STAT1: variants seen among roughly 807,000 people sequenced by gnomAD.
The protein encoded by STAT1 is signal transducer and activator of transcription 1-alpha/beta.
In STAT1, 24 loss-of-function variants were observed where a neutral mutation model predicts 111.7. The observed-to-expected ratio is 0.21, with a 90% CI of 0.16 to 0.30. The LOEUF (loss-of-function observed/expected upper bound fraction) is 0.30. STAT1 is among the 10% of genes least tolerant of loss of function. STAT1 has a pLI of 1.00. For synonymous variants in STAT1, 332 were observed against 326.5 expected, an observed-to-expected ratio of 1.02 and a Z score of -0.18; for missense variants, 351 against 911.9, an observed-to-expected ratio of 0.38 and a Z score of 7.92.
chr2:190,998,667 A>C lies in STAT1; in HGVS notation c.542-359T>G, dbSNP rs539912924. Among the ~76,000 whole-genome samples the C allele has an allele frequency of 6.6e-5, 10 of 151,024 alleles. No individual in the cohort carries two copies. Among genetic ancestry groups the C allele is most frequent in the Non-Finnish European group, 1.5e-4 (10 of 67,734 alleles). On this transcript the variant is annotated intron_variant, in intron 7 of 24. Coordinates refer to ENST00000361099, the MANE Select transcript of STAT1 (RefSeq NM_007315.4). The surrounding 1 kb of genome is among the most constrained non-coding windows in gnomAD (Gnocchi z 4.1). The stretch of plus-strand genomic sequence containing the variant: ...ACAGAGCGAGACTCCGTCTCCAAAA[A>C]AAAACAAAAAAAACAAAAAAAAAAC...
In STAT1 at chr2:190,989,847, G is replaced by T. The variant is rs765499294; in HGVS notation, c.1038-173C>A. Among the ~76,000 whole-genome samples, 5 of 152,148 alleles carry T rather than the reference G, an allele frequency of 3.3e-5. No individual in the cohort carries two copies. The highest frequency in any genetic ancestry group is 7.4e-5 in the Non-Finnish European group (5 of 68,020). On this transcript the variant is annotated intron_variant, in intron 11 of 24. Transcript: ENST00000361099. The surrounding 1 kb of genome is among the most constrained non-coding windows in gnomAD (Gnocchi z 5.0). ...TACTTAAATTTTTGTAAGTGTATTTGTAAGAATAAATTCCTAGCTGTGGAA... is the reference window on the plus strand; with the variant it reads ...TACTTAAATTTTTGTAAGTGTATTTTTAAGAATAAATTCCTAGCTGTGGAA...
intron 2 of STAT1, among the ~76,000 whole-genome samples, 151 bp downstream of exon 2, chr2:191,013,374 T>C (rs999379062): frequency 7.8e-6 from 1 of 127,958 alleles, no homozygotes; most frequent in Non-Finnish European, 1.9e-5. Flanking sequence ...TTTTTAAGAC[T>C]ATATTATTTT....
chr2:190,978,649 C>T lies in STAT1; in HGVS notation c.1873+207G>A. The T allele has an allele frequency of 1.5e-6, 1 of 668,634 alleles. No individual in the cohort carries two copies. Among genetic ancestry groups the T allele is most frequent in the South Asian group, 1.8e-5 (1 of 55,740 alleles). 41.4% of individuals were successfully genotyped at this position (668,634 alleles called of 1,614,324 possible). A position where few individuals can be genotyped will look rare whatever the true frequency, so the allele number is the denominator to read the frequency against. On this transcript the variant is annotated intron_variant, in intron 21 of 24. Coordinates refer to ENST00000361099, the MANE Select transcript of STAT1 (RefSeq NM_007315.4). The surrounding 1 kb of genome is among the most constrained non-coding windows in gnomAD (Gnocchi z 6.1). Reference sequence around the variant, plus strand: ...ATTGGCATTGTCTTTTCAAAACCATCATTTCCACAATATGTTCCAGAGAGT... The same window carrying T: ...ATTGGCATTGTCTTTTCAAAACCATTATTTCCACAATATGTTCCAGAGAGT...
At chr2:190,972,269 A>C (rs1213003451) in intron 24 of STAT1, among the ~76,000 whole-genome samples, 1 of 152,276 alleles carries the variant, frequency 6.6e-6, no homozygotes, top group East Asian at 1.9e-4. Flanking sequence ...AGAAAGTAGT[A>C]GACAATTAAT....
chr2:191,002,070 A>C (rs948098160), intron 5 of STAT1, among the ~76,000 whole-genome samples: 3 of 152,148 alleles, frequency 2.0e-5, no homozygotes, highest in African/African-American at 7.2e-5. Context: ...AATTTTCCTT[A>C]TATTAGAAAG....
chr2:190,985,326 G>GA (rs1692719257), intron 15 of STAT1, among the ~76,000 whole-genome samples: 3 of 152,198 alleles, frequency 2.0e-5, no homozygotes, highest in African/African-American at 7.2e-5. Context: ...AAACTTCTGT[G>GA]AGTCAATTTC....
chr2:190,972,577 A>G (rs1353387608), intron 24 of STAT1, among the ~76,000 whole-genome samples: 4 of 152,188 alleles, frequency 2.6e-5, no homozygotes, highest in African/African-American at 9.7e-5. Context: ...TCTGTTTCAG[A>G]GTATACACTC....
At position 190,983,606 on chromosome 2, in the gene STAT1, T is replaced by C; in HGVS notation, c.1446+36A>G. The C allele has an allele frequency of 3.8e-6, 6 of 1,591,014 alleles. No homozygotes were observed. Among genetic ancestry groups the C allele is most frequent in the Non-Finnish European group, 5.2e-6 (6 of 1,158,926 alleles). On this transcript the variant is annotated intron_variant, in intron 17 of 24. Coordinates refer to ENST00000361099, the MANE Select transcript of STAT1 (RefSeq NM_007315.4). This position sits in a 1 kb window ranked among gnomAD's most constrained non-coding sequence, Gnocchi z 5.7. ...AGCAGTGAGAGCGTGGGGTCTCTGC[T>C]TAACCCTGGGACCAAAGCAAATGTG... is the stretch of plus-strand genomic sequence containing the variant.
In STAT1 at chr2:190,978,241, T is replaced by A. The variant is rs1692064723; in HGVS notation, c.1873+615A>T. 6.6e-6 allele frequency among the ~76,000 whole-genome samples: 1 copy of A among 152,242 alleles called. No individual in the cohort carries two copies. Among genetic ancestry groups the A allele is most frequent in the Non-Finnish European group, 1.5e-5 (1 of 68,042 alleles). On this transcript the variant is annotated intron_variant, in intron 21 of 24. Transcript: ENST00000361099. This position sits in a 1 kb window ranked among gnomAD's most constrained non-coding sequence, Gnocchi z 6.1. ...GTGAAAAGTAATCAGTTGGTCTTTA[T>A]GATTTTTTCATTTACGCTGTTGAGC...
At chr2:191,011,368 T>A (rs943633825) in intron 2 of STAT1, among the ~76,000 whole-genome samples, 4 of 152,138 alleles carry the variant, frequency 2.6e-5, no homozygotes, top group Non-Finnish European at 4.4e-5. Flanking sequence ...CTGCAACGCC[T>A]CTTATTAGCC....
chr2:190,986,043 G>A lies in STAT1; in HGVS notation c.1222-383C>T, dbSNP rs185464074. Among the ~76,000 whole-genome samples the A allele has an allele frequency of 2.0e-5, 3 of 152,292 alleles. No individual in the cohort carries two copies. The East Asian group carries it at 5.8e-4, about 29-fold the overall frequency. ...GGGCCCAGTGACTCCAGGTCCACCT[G>A]CCCTCAAGTGGACGTCAATCTCTGA... On this transcript the variant is annotated intron_variant, in intron 14 of 24. Transcript: ENST00000361099. The surrounding 1 kb of genome is among the most constrained non-coding windows in gnomAD (Gnocchi z 5.0).
At position 190,998,079 on chromosome 2, in the gene STAT1, AG is replaced by A; in HGVS notation, c.634-73del. The A allele has an allele frequency of 6.3e-7, 1 of 1,583,334 alleles. No individual in the cohort carries two copies. Among genetic ancestry groups the A allele is most frequent in the Non-Finnish European group, 8.6e-7 (1 of 1,160,152 alleles). On this transcript the variant is annotated intron_variant, in intron 8 of 24. Transcript: ENST00000361099. The surrounding 1 kb of genome is among the most constrained non-coding windows in gnomAD (Gnocchi z 4.1). ...ACTGAATTTTAAAATATTTTTTAAA[AG>A]AAAAGCAAATATCATTTCATTCTCA...
chr2:190,972,918 A>G (rs1039687770), intron 24 of STAT1, among the ~76,000 whole-genome samples: 14 of 151,896 alleles, frequency 9.2e-5, no homozygotes, highest in African/African-American at 3.4e-4. Context: ...CGGAATGGCT[A>G]CAGCGAGTGT....
At position 191,012,427 on chromosome 2, in the gene STAT1, A is replaced by AC. The variant is rs1054582650; in HGVS notation, c.-2+1097_-2+1098insG. 1.3e-4 allele frequency among the ~76,000 whole-genome samples: 19 copies of AC among 151,716 alleles called. No individual in the cohort carries two copies. Among genetic ancestry groups the AC allele is most frequent in the African/African-American group, 4.4e-4 (18 of 41,248 alleles). ...AGAGACTCTGTCTCTAAAAAAAAAA[A>AC]ACAATGAATAAATAAGCTCATGTTC... is the stretch of plus-strand genomic sequence containing the variant. On this transcript the variant is annotated intron_variant, in intron 2 of 24. Transcript: ENST00000361099. The surrounding 1 kb of genome is among the most constrained non-coding windows in gnomAD (Gnocchi z 4.0).
In STAT1 at chr2:190,975,099, G is replaced by C. The variant is rs1691804545; in HGVS notation, c.2136-167C>G. On this transcript the variant is annotated intron_variant, in intron 23 of 24. Transcript: ENST00000361099. The surrounding 1 kb of genome is among the most constrained non-coding windows in gnomAD (Gnocchi z 5.9). ...TACATTTGCAAAAGTACAGCTCATG[G>C]GAGGCTCATGTCCCCAGCCCAGCCC... Among the ~76,000 whole-genome samples, 1 of 152,152 alleles carries C rather than the reference G, an allele frequency of 6.6e-6. No individual in the cohort carries two copies. Among genetic ancestry groups the C allele is most frequent in the African/African-American group, 2.4e-5 (1 of 41,428 alleles).
rs187964406 is a variant in STAT1 at position 190,993,240 on chromosome 2, C to G, written c.944+1821G>C. 4.0e-4 allele frequency: 236 copies of G among 588,460 alleles called. 1 individual carries two copies. In the East Asian group the frequency reaches 7.4e-3, roughly 18 times the overall value. 36.5% of individuals were successfully genotyped at this position (588,460 alleles called of 1,614,324 possible). ...TTGACGTTTTCACTGGGATAATGAT[C>G]TATTTTCTGCAGTCACTGTTTAATA... On this transcript the variant is annotated intron_variant, in intron 10 of 24. Transcript: ENST00000361099. The surrounding 1 kb of genome is among the most constrained non-coding windows in gnomAD (Gnocchi z 4.1).
At position 190,977,475 on chromosome 2, in the gene STAT1, A is replaced by T. The variant is rs1574639035; in HGVS notation, c.1874-450T>A. ...TATTAAAATAAATTATGATATATAG[A>T]AAACAACATTTCAAATTAAAAATGA... On this transcript the variant is annotated intron_variant, in intron 21 of 24. Coordinates refer to ENST00000361099, the MANE Select transcript of STAT1 (RefSeq NM_007315.4). The surrounding 1 kb of genome is among the most constrained non-coding windows in gnomAD (Gnocchi z 4.7). 6.6e-6 allele frequency among the ~76,000 whole-genome samples: 1 copy of T among 152,210 alleles called. No individual in the cohort carries two copies. Among genetic ancestry groups the T allele is most frequent in the South Asian group, 2.1e-4 (1 of 4,832 alleles).
chr2:190,977,121 A>G lies in STAT1; in HGVS notation c.1874-96T>C. On this transcript the variant is annotated intron_variant, in intron 21 of 24. Coordinates refer to ENST00000361099, the MANE Select transcript of STAT1 (RefSeq NM_007315.4). This position sits in a 1 kb window ranked among gnomAD's most constrained non-coding sequence, Gnocchi z 4.7. Reference sequence around the variant, plus strand: ...CTGCAGAGTTGATGGATTTGAGTGAACCTCATAAGAACTAATCACAATCTA... The same window carrying G: ...CTGCAGAGTTGATGGATTTGAGTGAGCCTCATAAGAACTAATCACAATCTA... 2.5e-6 allele frequency: 3 copies of G among 1,209,384 alleles called. No individual in the cohort carries two copies. The highest frequency in any genetic ancestry group is 2.5e-5 in the South Asian group (2 of 80,814). The allele number at this position is 1,209,384 out of a possible 1,614,324, so 74.9% of individuals were successfully genotyped here. A position where few individuals can be genotyped will look rare whatever the true frequency, so the allele number is the denominator to read the frequency against.
intron 5 of STAT1, among the ~76,000 whole-genome samples, chr2:191,001,958 A>T (rs965953812): frequency 2.0e-5 from 3 of 152,124 alleles, no homozygotes; most frequent in African/African-American, 7.2e-5. Flanking sequence ...CACACAGCAA[A>T]AACTGTGCTT....
Sources: allele counts gnomAD v4.1 joint callset (sites outside exome capture counted in the v4.1 genomes callset), GRCh38; gene constraint gnomAD v4.1.1; non-coding constraint Gnocchi (gnomAD v3.1); transcripts MANE v1.5; gene names NCBI Gene and HGNC (gene_info 2026-07-23, HGNC 2026-07-21).